The following TMEM144 variants were observed in gnomAD, a reference collection of about 807,000 sequenced individuals.
TMEM144 encodes the protein transmembrane protein 144.
A neutral mutation model predicts 43.6 loss-of-function variants in TMEM144; 39 were observed. The observed-to-expected ratio is 0.90, with a 90% CI of 0.69 to 1.17. The LOEUF (loss-of-function observed/expected upper bound fraction) is 1.17, where lower values mean the gene tolerates loss of function less well. Among genes scored for constraint, TMEM144 ranks in the 50% most tolerant of loss-of-function variants. TMEM144 has a pLI of 0.00. For missense variants in TMEM144, 417 were observed against 411.9 expected, an observed-to-expected ratio of 1.01 and a Z score of -0.11; for synonymous variants, 154 against 133.6, an observed-to-expected ratio of 1.15 and a Z score of -1.06.
Position 158,212,620 on chromosome 4 carries a change from A to C in TMEM144, c.-48A>C, listed in dbSNP as rs370728831. 6 of 1,373,028 alleles carry C rather than the reference A, an allele frequency of 4.4e-6. No individual in the cohort carries two copies. Among genetic ancestry groups the C allele is most frequent in the Non-Finnish European group, 6.0e-6 (6 of 997,764 alleles). The allele number at this position is 1,373,028 out of a possible 1,614,324, so 85.1% of individuals were successfully genotyped here. A position where few individuals can be genotyped will look rare whatever the true frequency, so the allele number is the denominator to read the frequency against. ...TCTTTTATTTCAGAAGCTCCTGAAAAGTACATCAAGTCTAAAGTGAACCAG... is the reference window on the plus strand; with the variant it reads ...TCTTTTATTTCAGAAGCTCCTGAAACGTACATCAAGTCTAAAGTGAACCAG... On this transcript the variant is annotated 5_prime_UTR_variant, in exon 3 of 13. Transcript: ENST00000296529.
chr4:158,242,243 C>T (rs1013080630), intron 11 of TMEM144, among the ~76,000 whole-genome samples: 3 of 152,108 alleles, frequency 2.0e-5, no homozygotes, highest in African/African-American at 7.2e-5. Flanking sequence ...TTACCTTGTG[C>T]GCTTGGTGCT....
chr4:158,227,581 T>C (rs951774065), intron 6 of TMEM144, among the ~76,000 whole-genome samples: 10 of 152,210 alleles, frequency 6.6e-5, no homozygotes, highest in African/African-American at 2.2e-4. Context: ...TTTGTCTCTC[T>C]CTGACTTTCC....
At position 158,241,579 on chromosome 4, in the gene TMEM144, T is replaced by C. The variant is rs374003848; in HGVS notation, c.873T>C (p.Ala291=). The C allele has an allele frequency of 5.6e-6, 9 of 1,613,862 alleles. No individual in the cohort carries two copies. Among genetic ancestry groups the C allele is most frequent in the Non-Finnish European group, 6.8e-6 (8 of 1,179,866 alleles). The change falls in exon 11 of 13, where the codon GCT becomes GCC. Residue 291 remains alanine, a synonymous_variant. Coordinates refer to ENST00000296529, the MANE Select transcript of TMEM144 (RefSeq NM_018342.5). ...CWFIANHSLS[A]VVSFPIITAG... is the part of the protein sequence containing the mutation. ...TCATAGCAAATCACTCTCTGAGTGC[T>C]GTGGTCAGTTTTCCAATAATCACTG...
chr4:158,228,542 C>G (rs901593793), intron 6 of TMEM144, among the ~76,000 whole-genome samples: 4 of 152,164 alleles, frequency 2.6e-5, no homozygotes, highest in Non-Finnish European at 4.4e-5. Context: ...TCAGCCACTG[C>G]GTCGATCCTC....
chr4:158,253,386 C>A, intron 12 of TMEM144, 58 bp from the exon 13 acceptor site: 1 of 1,417,940 alleles, frequency 7.1e-7, no homozygotes, highest in Admixed American at 1.7e-5. Flanking sequence ...AGAGTCTGTC[C>A]ATTTTGTGTA....
chr4:158,234,751 G>A (rs1735256074), intron 7 of TMEM144: 1 of 152,282 alleles, frequency 6.6e-6, no homozygotes, highest in South Asian at 2.1e-4. Flanking sequence ...GCTGGACATA[G>A]GGATCATTCA....
chr4:158,243,082 T>C (rs1369687998), intron 11 of TMEM144, among the ~76,000 whole-genome samples: 2 of 152,228 alleles, frequency 1.3e-5, no homozygotes, highest in Non-Finnish European at 1.5e-5. Flanking sequence ...GGTATTGTCC[T>C]GTACCATGTT....
intron 6 of TMEM144, among the ~76,000 whole-genome samples, chr4:158,230,301 T>C (rs77144013): frequency 0.016 from 2,469 of 152,284 alleles, 80 homozygotes; most frequent in African/African-American, 0.055. Context: ...ACCGTTATTA[T>C]GTCAGCCACC....
At chr4:158,238,259 A>G (rs1394026133) in intron 9 of TMEM144, among the ~76,000 whole-genome samples, 2 of 152,226 alleles carry the variant, frequency 1.3e-5, no homozygotes, top group Non-Finnish European at 2.9e-5. Flanking sequence ...AGAGAATAAG[A>G]TCATTCATAA....
At chr4:158,247,922 C>CA (rs144376928) in intron 12 of TMEM144, among the ~76,000 whole-genome samples, 2,446 of 78,590 alleles carry the variant, frequency 0.031, 31 homozygotes, top group Middle Eastern at 0.074. Context: ...TAAAAATAGG[C>CA]AAAAAAAAAA....
intron 5 of TMEM144, among the ~76,000 whole-genome samples, chr4:158,218,855 G>A (rs748596279): frequency 6.6e-6 from 1 of 152,144 alleles, no homozygotes; most frequent in Non-Finnish European, 1.5e-5. Context: ...GGCTGGGCAC[G>A]TTGGCTAACG....
intron 12 of TMEM144, among the ~76,000 whole-genome samples, chr4:158,251,884 C>G (rs956969627): frequency 2.0e-5 from 3 of 152,128 alleles, no homozygotes; most frequent in Non-Finnish European, 4.4e-5. Context: ...CACTTTGCAA[C>G]AAGTCTCTGT....
chr4:158,232,441 C>T (rs535492329), intron 6 of TMEM144, among the ~76,000 whole-genome samples: 6 of 152,288 alleles, frequency 3.9e-5, no homozygotes, highest in Non-Finnish European at 5.9e-5. Flanking sequence ...GTGGACACAC[C>T]GGTGGCCTCA....
chr4:158,250,549 T>C (rs754431987), intron 12 of TMEM144, among the ~76,000 whole-genome samples: 62 of 152,190 alleles, frequency 4.1e-4, no homozygotes, highest in African/African-American at 8.9e-4. Flanking sequence ...GGGAGCCCAG[T>C]TAGAACTTCC....
In TMEM144 at chr4:158,221,482, G is replaced by A. The variant is rs1221405578; in HGVS notation, c.413+2092G>A. The stretch of plus-strand genomic sequence containing the variant: ...CATGGTTCAGGAGAGAGTATGTAAG[G>A]GTGAGAGCAGAGCTGACACCAAGAA... On this transcript the variant is annotated intron_variant, in intron 6 of 12. Coordinates refer to ENST00000296529, the MANE Select transcript of TMEM144 (RefSeq NM_018342.5). Among the ~76,000 whole-genome samples, 4 of 152,208 alleles carry A rather than the reference G, an allele frequency of 2.6e-5. No homozygotes were observed. The South Asian group carries it at 6.2e-4, about 24-fold the overall frequency.
intron 12 of TMEM144, among the ~76,000 whole-genome samples, chr4:158,247,195 T>G (rs912064491): frequency 6.6e-6 from 1 of 151,928 alleles, no homozygotes; most frequent in Non-Finnish European, 1.5e-5. Context: ...AACCTCTTAA[T>G]AAGCTAGAAA....
At chr4:158,251,354 G>A (rs995462421) in intron 12 of TMEM144, among the ~76,000 whole-genome samples, 1 of 152,162 alleles carries the variant, frequency 6.6e-6, no homozygotes, top group African/African-American at 2.4e-5. Flanking sequence ...TTAATCAGCA[G>A]GAAGTAGATA....
intron 5 of TMEM144, 56 bp downstream of exon 5, chr4:158,217,476 A>C (rs562041545): frequency 8.1e-7 from 1 of 1,234,872 alleles, no homozygotes; most frequent in African/African-American, 1.5e-5. Context: ...TTCTATGTAA[A>C]GCAAGTGATT....
intron 6 of TMEM144, among the ~76,000 whole-genome samples, chr4:158,224,461 C>T (rs1168870448): frequency 3.9e-5 from 6 of 152,108 alleles, no homozygotes; most frequent in African/African-American, 1.4e-4. Context: ...AAACTGTGGT[C>T]ATGGGAGGCT....
Sources: allele counts gnomAD v4.1 joint callset (sites outside exome capture counted in the v4.1 genomes callset), GRCh38; gene constraint gnomAD v4.1.1; transcripts MANE v1.5; gene names NCBI Gene and HGNC (gene_info 2026-07-23, HGNC 2026-07-21).